TECPR2: variants seen among roughly 807,000 people sequenced by gnomAD.
TECPR2 encodes the protein tectonin beta-propeller repeat containing 2, also known as tectonin beta-propeller repeat-containing protein 2.
A neutral mutation model predicts 138.1 loss-of-function variants in TECPR2; 65 were observed. The ratio of observed to expected loss-of-function variants is 0.47; its 90% CI spans 0.39 to 0.58. TECPR2 has a LOEUF of 0.58. TECPR2 is among the 20% of genes least tolerant of loss of function. The probability of loss-of-function intolerance (pLI) is 0.00; values close to 1 mark genes in which losing one functional copy is unlikely to be tolerated. For synonymous variants in TECPR2, 746 were observed against 749.8 expected, an observed-to-expected ratio of 0.99 and a Z score of 0.08; for missense variants, 1,553 against 1,824.5, an observed-to-expected ratio of 0.85 and a Z score of 2.71.
chr14:102,428,215 G>GTTTTTTTTTTTTTTTTTTTTTTTTTTTTT, intron 6 of TECPR2, 35 bp from the exon 7 acceptor site: 1 of 1,309,498 alleles, frequency 7.6e-7, no homozygotes, highest in Non-Finnish European at 9.9e-7. Context: ...TTAGTTTTGT[G>GTTTTTTTTTTTTTTTTTTTTTTTTTTTTT]TTTTTTGTTT....
chr14:102,451,620 C>T (rs967979695), intron 15 of TECPR2, among the ~76,000 whole-genome samples: 1 of 152,042 alleles, frequency 6.6e-6, no homozygotes, highest in Non-Finnish European at 1.5e-5. Flanking sequence ...GCGCCTGGCC[C>T]CTCCGTGGTT....
chr14:102,364,397 C>G (rs925313060), intron 1 of TECPR2, among the ~76,000 whole-genome samples: 6 of 152,234 alleles, frequency 3.9e-5, no homozygotes, highest in Non-Finnish European at 5.9e-5. Flanking sequence ...TGTGCCAGCA[C>G]TGTGCCAGGC....
chr14:102,496,646 T>C lies in TECPR2; in HGVS notation c.3790-333T>C, dbSNP rs77310359. Among the ~76,000 whole-genome samples, 4,339 of 152,120 alleles carry C rather than the reference T, an allele frequency of 0.029. 81 individuals are homozygous for C. Among genetic ancestry groups the C allele is most frequent in the Middle Eastern group, 0.092 (27 of 294 alleles). On this transcript the variant is annotated intron_variant, in intron 17 of 19. Coordinates refer to ENST00000359520, the MANE Select transcript of TECPR2 (RefSeq NM_014844.5). ...TTTTTGTTTCTCACAGTGCCCACCA[T>C]GGTCCTTCACAGCCAGGTCCGCCGC...
At chr14:102,375,612 G>C (rs888516184) in intron 1 of TECPR2, among the ~76,000 whole-genome samples, 1 of 152,156 alleles carries the variant, frequency 6.6e-6, no homozygotes, top group Non-Finnish European at 1.5e-5. Context: ...AAAACCTACA[G>C]TTCAAAGAGA....
intron 17 of TECPR2, among the ~76,000 whole-genome samples, chr14:102,467,616 G>A (rs1890574015): frequency 6.6e-6 from 1 of 151,860 alleles, no homozygotes; most frequent in Admixed American, 6.6e-5. Context: ...ATGAGCCACT[G>A]CGCCTGGCCT....
At position 102,431,804 on chromosome 14, in the gene TECPR2, G is replaced by C; in HGVS notation, c.1093G>C (p.Gly365Arg). 1 of 1,563,510 alleles carries C rather than the reference G, an allele frequency of 6.4e-7. No homozygotes were observed. Among genetic ancestry groups the C allele is most frequent in the African/African-American group, 1.4e-5 (1 of 73,492 alleles). The change falls in exon 8 of 20, where the codon GGT (glycine) becomes CGT (arginine). Residue 365 changes from glycine to arginine, a missense_variant. Gly to Arg is a moderately radical substitution (Grantham distance 125). Coordinates refer to ENST00000359520, the MANE Select transcript of TECPR2 (RefSeq NM_014844.5). Reference protein sequence around the residue: ...PEGLTSTVRDGLEMSGCSERV... With the variant: ...PEGLTSTVRDRLEMSGCSERV... Reference sequence around the variant, plus strand: ...AGACTCTTCTTTCTTAGTGAGAGATGGTCTGGAGATGTCTGGATGCTCAGA... The same window carrying C: ...AGACTCTTCTTTCTTAGTGAGAGATCGTCTGGAGATGTCTGGATGCTCAGA...
At chr14:102,440,726 C>A (rs560381475) in intron 11 of TECPR2, 117 bp downstream of exon 11, 4 of 1,240,852 alleles carry the variant, frequency 3.2e-6, no homozygotes, top group African/African-American at 1.5e-5. Flanking sequence ...TAAATCCATT[C>A]GAATTAAGAC....
At position 102,415,241 on chromosome 14, in the gene TECPR2, C is replaced by T. The variant is rs972904668; in HGVS notation, c.638+448C>T. ...GTAAACACGGCAGATCTGAGCCCTC[C>T]GTTGTGGAAATGGAAACACAGATAG... On this transcript the variant is annotated intron_variant, in intron 5 of 19. Coordinates refer to ENST00000359520, the MANE Select transcript of TECPR2 (RefSeq NM_014844.5). The surrounding 1 kb of genome is among the most constrained non-coding windows in gnomAD (Gnocchi z 4.3). Among the ~76,000 whole-genome samples the T allele has an allele frequency of 6.6e-6, 1 of 152,192 alleles. No individual in the cohort carries two copies. Among genetic ancestry groups the T allele is most frequent in the African/African-American group, 2.4e-5 (1 of 41,442 alleles).
chr14:102,452,438 G>A lies in TECPR2; in HGVS notation c.3451G>A (p.Val1151Ile), dbSNP rs773240218. The A allele has an allele frequency of 2.8e-5, 45 of 1,613,436 alleles. No individual in the cohort carries two copies. The highest frequency in any genetic ancestry group is 4.4e-5 in the South Asian group (4 of 91,062). Residue 1151 changes from valine (V) to isoleucine (I), a missense_variant, in exon 16 of 20, where the codon GTC (valine) becomes ATC (isoleucine). By Grantham distance (29) the Val-to-Ile change is conservative (BLOSUM62 3). Transcript: ENST00000359520. ...CCAGAGCAGCAAGGACCTGTGCAGCGTCAGCGCCCAGAGCGCACAGTCGCG... is the reference window on the plus strand; with the variant it reads ...CCAGAGCAGCAAGGACCTGTGCAGCATCAGCGCCCAGAGCGCACAGTCGCG... ...LCQSSKDLCS[V>I]SAQSAQSRPS...
chr14:102,465,961 T>C (rs907385093), intron 17 of TECPR2, among the ~76,000 whole-genome samples: 1 of 152,176 alleles, frequency 6.6e-6, no homozygotes, highest in Admixed American at 6.5e-5. Flanking sequence ...TTGCCCAGAC[T>C]CCTGCCAGCC....
intron 2 of TECPR2, among the ~76,000 whole-genome samples, chr14:102,377,389 G>A (rs1192947965): frequency 6.6e-6 from 1 of 152,096 alleles, no homozygotes; most frequent in Non-Finnish European, 1.5e-5. Flanking sequence ...TGAACTCCTC[G>A]GCTCAAGCAG....
intron 17 of TECPR2, among the ~76,000 whole-genome samples, chr14:102,471,107 G>A (rs936882794): frequency 3.3e-5 from 5 of 151,994 alleles, no homozygotes; most frequent in Non-Finnish European, 7.4e-5. Context: ...GTGAGTCACT[G>A]TGCCCAGCCT....
chr14:102,383,595 A>G (rs61470323), intron 2 of TECPR2, among the ~76,000 whole-genome samples: 7,031 of 151,782 alleles, frequency 0.046, 480 homozygotes, highest in African/African-American at 0.15. Context: ...TTTAGTAGAG[A>G]CAGGGTTTTA....
chr14:102,392,241 C>T (rs1888197758), intron 2 of TECPR2, among the ~76,000 whole-genome samples: 1 of 152,198 alleles, frequency 6.6e-6, no homozygotes. Flanking sequence ...GATTCACCTG[C>T]CTCAGCCTCC....
intron 16 of TECPR2, among the ~76,000 whole-genome samples, chr14:102,460,911 G>A (rs978628187): frequency 4.6e-5 from 7 of 151,788 alleles, no homozygotes; most frequent in African/African-American, 7.3e-5. Context: ...TAGCCAGGAT[G>A]GTCTCGATCT....
intron 17 of TECPR2, among the ~76,000 whole-genome samples, chr14:102,496,231 C>T (rs555966960): frequency 2.6e-5 from 4 of 152,190 alleles, no homozygotes; most frequent in Non-Finnish European, 4.4e-5. Context: ...GCCAGCCCCT[C>T]GGGGCTCGGG....
chr14:102,449,869 G>A lies in TECPR2; in HGVS notation c.3316G>A (p.Gly1106Ser). 1 of 1,612,692 alleles carries A rather than the reference G, an allele frequency of 6.2e-7. No homozygotes were observed. The highest frequency in any genetic ancestry group is 1.1e-5 in the South Asian group (1 of 91,076). Residue 1106 changes from glycine (G) to serine (S), a missense_variant and splice_region_variant, in exon 14 of 20, where the codon GGC (glycine) becomes AGC (serine). Transcript: ENST00000359520. ...CCACGTCGCTAAGGGAAGTCTCATA[G>A]GTGGGTGAATTGCTGTAATTTTCAC... ...EFHVAKGSLIGTYWNHVVPRG... is the reference protein window; with the variant it reads ...EFHVAKGSLISTYWNHVVPRG...
In TECPR2 at chr14:102,501,354, A is replaced by G. The variant is rs1413439964; in HGVS notation, c.*3097A>G. On this transcript the variant is annotated 3_prime_UTR_variant, in exon 20 of 20. Transcript: ENST00000359520. ...AGTGATAGGACAAGCTACAGAGGAA[A>G]ATAAGTACATAGATTTGATTTCTCC... The G allele has an allele frequency of 6.6e-6, 1 of 152,216 alleles. No individual in the cohort carries two copies. Among genetic ancestry groups the G allele is most frequent in the Non-Finnish European group, 1.5e-5 (1 of 68,046 alleles). The allele number at this position is 152,216 out of a possible 1,614,324, so 9.4% of individuals were successfully genotyped here.
At chr14:102,448,592 A>C (rs1002666248) in intron 13 of TECPR2, among the ~76,000 whole-genome samples, 1 of 152,122 alleles carries the variant, frequency 6.6e-6, no homozygotes, top group East Asian at 1.9e-4. Flanking sequence ...ACAGCCTTGC[A>C]TGGTGGCTCA....
Sources: gnomAD v4.1 joint callset for allele counts (sites outside exome capture counted in the v4.1 genomes callset) on GRCh38, gnomAD v4.1.1 for gene constraint, Gnocchi (gnomAD v3.1) non-coding constraint, MANE v1.5 for transcripts, NCBI Gene and HGNC (gene_info 2026-07-23, HGNC 2026-07-21) for gene names.